MS4A10: variants seen among roughly 807,000 people sequenced by gnomAD.
MS4A10 encodes the protein membrane spanning 4-domains A10.
In MS4A10, 27 loss-of-function variants were observed where a neutral mutation model predicts 27.7. The observed-to-expected ratio is 0.98, with a 90% CI of 0.72 to 1.35. MS4A10 has a LOEUF of 1.35. Among genes scored for constraint, MS4A10 ranks in the 40% most tolerant of loss-of-function variants. MS4A10 has a pLI of 0.00. For missense variants in MS4A10, 338 were observed against 324.7 expected (o/e 1.04, Z -0.32); for synonymous variants, 139 against 131.2 (o/e 1.06, Z -0.41).
chr11:60,796,068 A>G (rs1171802649), intron 6 of MS4A10, among the ~76,000 whole-genome samples: 1 of 152,174 alleles, frequency 6.6e-6, no homozygotes, highest in Non-Finnish European at 1.5e-5. Flanking sequence ...GAGACAGGAC[A>G]GAGAAGGCCT....
chr11:60,790,195 G>A, intron 1 of MS4A10, 119 bp from the exon 2 acceptor site: 1 of 826,862 alleles, frequency 1.2e-6, no homozygotes, highest in Non-Finnish European at 1.9e-6. Flanking sequence ...CTGCCAGACA[G>A]GGCAACCACA....
intron 5 of MS4A10, among the ~76,000 whole-genome samples, chr11:60,794,829 C>G (rs980248020): frequency 1.3e-5 from 2 of 152,110 alleles, no homozygotes; most frequent in Admixed American, 1.3e-4. Context: ...GCACCCACCA[C>G]AGCCACCACC....
chr11:60,797,155 G>A (rs563334304), intron 6 of MS4A10, among the ~76,000 whole-genome samples: 1 of 152,166 alleles, frequency 6.6e-6, no homozygotes, highest in Non-Finnish European at 1.5e-5. Flanking sequence ...AGCCAGATGG[G>A]GGTCTTGAGT....
chr11:60,799,994 T>C lies in MS4A10; in HGVS notation c.*85T>C, dbSNP rs1591003460. The stretch of plus-strand genomic sequence containing the variant: ...TTGCACTTTCACTGGGAAGATGAGA[T>C]TTGCACATACAAAAGGCTAGAGCGA... On this transcript the variant is annotated 3_prime_UTR_variant, in exon 8 of 8. Coordinates refer to ENST00000308287, the MANE Select transcript of MS4A10 (RefSeq NM_206893.4). The C allele has an allele frequency of 6.2e-7, 1 of 1,606,510 alleles. No individual in the cohort carries two copies. The highest frequency in any genetic ancestry group is 2.2e-5 in the East Asian group (1 of 44,758).
intron 5 of MS4A10, among the ~76,000 whole-genome samples, chr11:60,794,701 G>C (rs887799004): frequency 2.0e-5 from 3 of 152,046 alleles, no homozygotes; most frequent in African/African-American, 7.2e-5. Flanking sequence ...GGGGAACGGA[G>C]TCTCACTCTT....
chr11:60,795,605 G>T lies in MS4A10; in HGVS notation c.543G>T (p.Glu181Asp). 1 of 1,595,442 alleles carries T rather than the reference G, an allele frequency of 6.3e-7. No homozygotes were observed. The highest frequency in any genetic ancestry group is 8.5e-7 in the Non-Finnish European group (1 of 1,170,684). Residue 181 changes from glutamate (E) to aspartate (D), a missense_variant, in exon 6 of 8, where the codon GAG (glutamate) becomes GAT (aspartate). Coordinates refer to ENST00000308287, the MANE Select transcript of MS4A10 (RefSeq NM_206893.4). ...CCTTGCTCTGCTTCACTGTCCTAGA[G>T]CTCTTCCTGCCAGTGCCCACAGCTG... ...ELALLCFTVL[E>D]LFLPVPTAVT...
At chr11:60,792,555 C>A (rs770433449) in intron 4 of MS4A10, among the ~76,000 whole-genome samples, 23 of 152,196 alleles carry the variant, frequency 1.5e-4, no homozygotes, top group Non-Finnish European at 3.2e-4. Flanking sequence ...CTTTCCAGTG[C>A]AGTGAGGCAG....
In MS4A10 at chr11:60,790,379, G is replaced by T. The variant is rs759259654; in HGVS notation, c.44G>T (p.Gly15Val). ...ATVIPSRCAR[G>V]LPSWQVLSPV... ...GTTATTCCCAGCCGTTGTGCTAGGG[G>T]GCTCCCATCATGGCAAGTCCTCAGC... Residue 15 changes from glycine to valine, a missense_variant, in exon 2 of 8, where the codon GGG becomes GTG. By Grantham distance (109) the Gly-to-Val change is moderately radical. Coordinates refer to ENST00000308287, the MANE Select transcript of MS4A10 (RefSeq NM_206893.4). 3.7e-6 allele frequency: 6 copies of T among 1,614,022 alleles called. No individual in the cohort carries two copies. In the African/African-American group the frequency reaches 8.0e-5, roughly 22 times the overall value.
At chr11:60,797,515 G>A (rs1353964273) in intron 6 of MS4A10, among the ~76,000 whole-genome samples, 1 of 152,098 alleles carries the variant, frequency 6.6e-6, no homozygotes, top group East Asian at 1.9e-4. Flanking sequence ...GCATTCCTTG[G>A]CTTGTGGCTC....
rs749273255 is a variant in MS4A10 at position 60,798,376 on chromosome 11, C to T, written c.604-20C>T. 2.5e-6 allele frequency: 4 copies of T among 1,581,118 alleles called. No individual in the cohort carries two copies. Among genetic ancestry groups the T allele is most frequent in the Admixed American group, 1.7e-5 (1 of 59,760 alleles). On this transcript the variant is annotated intron_variant, in intron 6 of 7. Transcript: ENST00000308287. Reference sequence around the variant, plus strand: ...GCTCCACAGCTGTGAGCAGCAGGGGCGGCGACTTTTCTTTCGCAGAATGAT... The same window carrying T: ...GCTCCACAGCTGTGAGCAGCAGGGGTGGCGACTTTTCTTTCGCAGAATGAT...
intron 4 of MS4A10, among the ~76,000 whole-genome samples, chr11:60,792,894 T>A (rs920394065): frequency 6.6e-6 from 1 of 152,190 alleles, no homozygotes; most frequent in African/African-American, 2.4e-5. Flanking sequence ...CCTTCCATTC[T>A]CCCACAACTC....
At chr11:60,790,605 A>G in intron 2 of MS4A10, 87 bp downstream of exon 2, 1 of 1,422,978 alleles carries the variant, frequency 7.0e-7, no homozygotes, top group African/African-American at 1.4e-5. Flanking sequence ...CAAGGGAAGA[A>G]AGGGAAAAGA....
chr11:60,798,360 C>G, intron 6 of MS4A10, 36 bp from the exon 7 acceptor site: 3 of 1,503,374 alleles, frequency 2.0e-6, no homozygotes, highest in South Asian at 2.3e-5. Flanking sequence ...CGCTCCACAG[C>G]TGTGAGCAGC....
Position 60,792,300 on chromosome 11 carries a change from G to A in MS4A10, c.339G>A (p.Lys113=), listed in dbSNP as rs1425247648. The change falls in exon 4 of 8, where the codon AAG becomes AAA. Residue 113 remains lysine (K), a synonymous_variant. Coordinates refer to ENST00000308287, the MANE Select transcript of MS4A10 (RefSeq NM_206893.4). ...CAGGGATCTTGGCGATAACAATGAA[G>A]ACCTTTTCTAAAACTTACCTGGTGA... ...LISGILAITM[K]TFSKTYLKML... is the part of the protein sequence containing the mutation. 7 of 1,613,114 alleles carry A rather than the reference G, an allele frequency of 4.3e-6. No individual in the cohort carries two copies. In the Admixed American group the frequency reaches 8.3e-5, roughly 19 times the overall value.
At chr11:60,789,739 G>C (rs937311456) in intron 1 of MS4A10, among the ~76,000 whole-genome samples, 14 of 152,226 alleles carry the variant, frequency 9.2e-5, no homozygotes, top group African/African-American at 2.9e-4. Context: ...CACGTAGAAG[G>C]TTTATCTCAG....
At chr11:60,786,761 G>A (rs1378600698) in intron 1 of MS4A10, among the ~76,000 whole-genome samples, 6 of 152,178 alleles carry the variant, frequency 3.9e-5, no homozygotes, top group Non-Finnish European at 8.8e-5. Flanking sequence ...CAACAGGCCA[G>A]TGGCAACTGT....
chr11:60,789,554 A>G (rs1590996178), intron 1 of MS4A10, among the ~76,000 whole-genome samples: 1 of 152,220 alleles, frequency 6.6e-6, no homozygotes, highest in Admixed American at 6.5e-5. Context: ...CCAACAGTGC[A>G]TGAAGGACTT....
chr11:60,794,526 G>A (rs985546591), intron 5 of MS4A10, among the ~76,000 whole-genome samples: 2 of 152,190 alleles, frequency 1.3e-5, no homozygotes, highest in African/African-American at 2.4e-5. Context: ...CTCATCTTCT[G>A]GGAGTGAACA....
intron 4 of MS4A10, 22 bp downstream of exon 4, chr11:60,792,343 A>G: frequency 6.5e-7 from 1 of 1,531,900 alleles, no homozygotes. Context: ...CACTGAGATC[A>G]TTCTCTTCCA....
Sources: gnomAD v4.1 joint callset for allele counts (sites outside exome capture counted in the v4.1 genomes callset) on GRCh38, gnomAD v4.1.1 for gene constraint, MANE v1.5 for transcripts, NCBI Gene and HGNC (gene_info 2026-07-23, HGNC 2026-07-21) for gene names.